The following GOLGA4 variants were observed in gnomAD, a reference collection of about 807,000 sequenced individuals.
GOLGA4 encodes the protein golgin subfamily A member 4.
A neutral mutation model predicts 265.9 loss-of-function variants in GOLGA4; 169 were observed. The observed-to-expected ratio is 0.64, with a 90% CI of 0.56 to 0.72. GOLGA4 has a LOEUF of 0.72. Among genes scored for constraint, GOLGA4 ranks in the 30% least tolerant of loss-of-function variants. The pLI is 0.00. For synonymous variants in GOLGA4, 923 were observed against 855.8 expected, an observed-to-expected ratio of 1.08 and a Z score of -1.37; for missense variants, 2,482 against 2,483.4, an observed-to-expected ratio of 1.00 and a Z score of 0.01.
In GOLGA4 at chr3:37,326,579, A is replaced by G; in HGVS notation, c.4693A>G (p.Lys1565Glu). The change falls in exon 14 of 24, where the codon AAA (lysine) becomes GAA (glutamate). Residue 1565 changes from lysine (K) to glutamate (E), a missense_variant. Lys to Glu is a moderately conservative substitution (Grantham distance 56). Transcript: ENST00000361924. ...KDIEHKELVQ[K>E]LQHFQELGEE... ...TATTGAACACAAAGAATTGGTTCAG[A>G]AACTTCAACATTTTCAAGAGTTAGG... 6.2e-7 allele frequency: 1 copy of G among 1,613,172 alleles called. No individual in the cohort carries two copies. Among genetic ancestry groups the G allele is most frequent in the Non-Finnish European group, 8.5e-7 (1 of 1,179,442 alleles).
At position 37,325,744 on chromosome 3, in the gene GOLGA4, T is replaced by TA. The variant is rs1483840614; in HGVS notation, c.3859dup (p.Thr1287AsnfsTer21). On this transcript the variant is annotated frameshift_variant, in exon 14 of 24. Coordinates refer to ENST00000361924, the MANE Select transcript of GOLGA4 (RefSeq NM_002078.5). LOFTEE classifies it high-confidence loss of function. ...TTAGACAGTTGACAGAGGAGCAAAA[T>TA]ACACTAAATATTTCTTTTCAACAGG... 1.2e-6 allele frequency: 2 copies of TA among 1,613,644 alleles called. No homozygotes were observed.
At chr3:37,271,617 A>G (rs1277119036) in intron 2 of GOLGA4, among the ~76,000 whole-genome samples, 1 of 152,150 alleles carries the variant, frequency 6.6e-6, no homozygotes, top group African/African-American at 2.4e-5. Context: ...TGACCGTACC[A>G]CTACCATTTT....
In GOLGA4 at chr3:37,324,084, A is replaced by G; in HGVS notation, c.2198A>G (p.Gln733Arg). The change falls in exon 14 of 24, where the codon CAG becomes CGG. Residue 733 changes from glutamine (Q) to arginine (R), a missense_variant. Transcript: ENST00000361924. ...AKMDEQKNHHQQQVDSIIKEH... is the reference protein window; with the variant it reads ...AKMDEQKNHHRQQVDSIIKEH... Reference sequence around the variant, plus strand: ...ATGGATGAACAGAAAAATCATCACCAGCAGCAAGTTGACAGTATCATTAAA... The same window carrying G: ...ATGGATGAACAGAAAAATCATCACCGGCAGCAAGTTGACAGTATCATTAAA... 1.2e-6 allele frequency: 2 copies of G among 1,614,176 alleles called. No individual in the cohort carries two copies. The highest frequency in any genetic ancestry group is 1.1e-5 in the South Asian group (1 of 91,086).
At chr3:37,271,892 G>A (rs1014193330) in intron 2 of GOLGA4, among the ~76,000 whole-genome samples, 7 of 152,174 alleles carry the variant, frequency 4.6e-5, no homozygotes, top group African/African-American at 1.7e-4. Flanking sequence ...CCTCCTGTTA[G>A]ATCAGTGGTG....
At chr3:37,269,885 CTTTTTTT>C (rs763272448) in intron 2 of GOLGA4, among the ~76,000 whole-genome samples, 825 of 79,022 alleles carry the variant, frequency 0.01, 4 homozygotes, top group Non-Finnish European at 0.016. Flanking sequence ...TGTAGGGTAG[CTTTTTTT>C]TTTTTTTTTT....
rs370179028 is a variant in GOLGA4, at chr3:37,361,155, C to G, written c.6664-88C>G. On this transcript the variant is annotated intron_variant, in intron 22 of 23. Coordinates refer to ENST00000361924, the MANE Select transcript of GOLGA4 (RefSeq NM_002078.5). ...AAAAATTTAAGTACAGTCTGTAATC[C>G]TATGAACTTCATATACACATACAAT... 142 of 1,014,606 alleles carry G rather than the reference C, an allele frequency of 1.4e-4. No individual in the cohort carries two copies. The South Asian group carries it at 1.6e-3, about 11-fold the overall frequency. 62.9% of individuals were successfully genotyped at this position (1,014,606 alleles called of 1,614,324 possible).
intron 20 of GOLGA4, 146 bp from the exon 21 acceptor site, chr3:37,347,047 G>T: frequency 4.2e-6 from 2 of 481,624 alleles, no homozygotes; most frequent in Non-Finnish European, 7.5e-6. Flanking sequence ...TGTTTAGTGT[G>T]CATGTGTGTA....
rs2096707911 is a variant in GOLGA4, at chr3:37,243,342, G to C, written c.-209G>C. On this transcript the variant is annotated 5_prime_UTR_variant, in exon 1 of 24. Transcript: ENST00000361924. Reference sequence around the variant, plus strand: ...GATGGGGGGCCGAGGCCAGCCAGTGGCACCCGGAAGAAAGAGACGCGGCGG... The same window carrying C: ...GATGGGGGGCCGAGGCCAGCCAGTGCCACCCGGAAGAAAGAGACGCGGCGG... 1 of 574,904 alleles carries C rather than the reference G, an allele frequency of 1.7e-6. No homozygotes were observed. The highest frequency in any genetic ancestry group is 1.9e-5 in the African/African-American group (1 of 51,348). 35.6% of individuals were successfully genotyped at this position (574,904 alleles called of 1,614,324 possible).
At position 37,326,973 on chromosome 3, in the gene GOLGA4, A is replaced by G; in HGVS notation, c.5087A>G (p.Lys1696Arg). 1.2e-6 allele frequency: 2 copies of G among 1,613,960 alleles called. No individual in the cohort carries two copies. Among genetic ancestry groups the G allele is most frequent in the Non-Finnish European group, 1.7e-6 (2 of 1,179,848 alleles). ...GTTCACATCTTGGAAGAAAAACTTA[A>G]GTCAGTGGAAAGTTCACAGTCAGAA... ...REVHILEEKLKSVESSQSETL... is the reference protein window; with the variant it reads ...REVHILEEKLRSVESSQSETL... Residue 1696 changes from lysine to arginine, a missense_variant, in exon 14 of 24, where the codon AAG becomes AGG. Physicochemically the swap from Lys to Arg is conservative, Grantham distance 26. Around this residue, in one of 3 missense-constraint regions of GOLGA4, gnomAD observed 942 missense variants for 983.1 expected, o/e 0.96. Coordinates refer to ENST00000361924, the MANE Select transcript of GOLGA4 (RefSeq NM_002078.5).
At chr3:37,356,048 T>A (rs981151262) in intron 22 of GOLGA4, among the ~76,000 whole-genome samples, 2 of 152,142 alleles carry the variant, frequency 1.3e-5, no homozygotes, top group African/African-American at 4.8e-5. Flanking sequence ...CATAAGCCAG[T>A]AAGTCCCAAA....
At chr3:37,279,951 T>C (rs1252040437) in intron 2 of GOLGA4, among the ~76,000 whole-genome samples, 1 of 151,878 alleles carries the variant, frequency 6.6e-6, no homozygotes, top group Non-Finnish European at 1.5e-5. Context: ...GAATGCCTCC[T>C]CCTTCCTAGT....
chr3:37,357,817 C>A (rs1332636828), intron 22 of GOLGA4, among the ~76,000 whole-genome samples: 2 of 152,112 alleles, frequency 1.3e-5, no homozygotes, highest in East Asian at 3.9e-4. Flanking sequence ...AATGATTTTT[C>A]TTTTTCCAAT....
In GOLGA4 at chr3:37,272,630, A is replaced by G. The variant is rs369719434; in HGVS notation, c.163-9328A>G. On this transcript the variant is annotated intron_variant, in intron 2 of 23. Transcript: ENST00000361924. ...CCATCAAACTACTTAATCAATGTTC[A>G]AAAAGTAGAAAACACGTTTGCAAAA... is the stretch of plus-strand genomic sequence containing the variant. Among the ~76,000 whole-genome samples, 162 of 152,350 alleles carry G rather than the reference A, an allele frequency of 1.1e-3. 2 individuals carry two copies. The highest frequency in any genetic ancestry group is 2.3e-3 in the South Asian group (11 of 4,832).
intron 10 of GOLGA4, among the ~76,000 whole-genome samples, chr3:37,312,196 C>G (rs1044599087): frequency 6.6e-6 from 1 of 152,162 alleles, no homozygotes; most frequent in Admixed American, 6.5e-5. Flanking sequence ...CTGATGACAC[C>G]TAAGCATTAA....
At chr3:37,341,811 T>C (rs1307479221) in intron 20 of GOLGA4, 3 of 152,374 alleles carry the variant, frequency 2.0e-5, no homozygotes. Context: ...CATGTAAGAA[T>C]TTCCTACATA....
intron 2 of GOLGA4, among the ~76,000 whole-genome samples, chr3:37,255,806 A>G (rs559749961): frequency 4.6e-5 from 7 of 151,212 alleles, no homozygotes; most frequent in Non-Finnish European, 1.0e-4. Context: ...AGGTTGAAGC[A>G]TAGTGGCACA....
chr3:37,336,635 G>A (rs929908811), intron 17 of GOLGA4, among the ~76,000 whole-genome samples: 3 of 151,998 alleles, frequency 2.0e-5, no homozygotes, highest in Admixed American at 1.3e-4. Context: ...GCTGGGCATG[G>A]TGGCGCATGC....
chr3:37,330,109 A>G (rs944868272), intron 16 of GOLGA4, among the ~76,000 whole-genome samples: 2 of 151,726 alleles, frequency 1.3e-5, no homozygotes, highest in African/African-American at 4.8e-5. Context: ...TCCATAGAGG[A>G]TATATGTGCT....
At chr3:37,305,076 A>G (rs1664696086) in intron 10 of GOLGA4, among the ~76,000 whole-genome samples, 1 of 151,900 alleles carries the variant, frequency 6.6e-6, no homozygotes, top group South Asian at 2.1e-4. Flanking sequence ...GTGCCACCAC[A>G]CTTGGCTAAT....
Sources: gnomAD v4.1 joint callset for allele counts (sites outside exome capture counted in the v4.1 genomes callset) on GRCh38, gnomAD v4.1.1 for gene constraint, gnomAD v4.1.1 regional missense constraint, MANE v1.5 for transcripts, NCBI Gene and HGNC (gene_info 2026-07-23, HGNC 2026-07-21) for gene names.